Variants in ZHX2 observed in about 807,000 individuals in gnomAD.
The protein encoded by ZHX2 is zinc fingers and homeoboxes 2, also known as zinc fingers and homeoboxes protein 2.
In ZHX2, 6 loss-of-function variants were observed where a neutral mutation model predicts 21.9. That is an observed-to-expected ratio of 0.27 (90% CI 0.15 to 0.54). ZHX2 has a LOEUF of 0.54. Among genes scored for constraint, ZHX2 ranks in the 20% least tolerant of loss-of-function variants. The pLI, the probability that ZHX2 is intolerant of heterozygous loss-of-function variation, is 0.95. For missense variants in ZHX2, 908 were observed against 1,090.7 expected (o/e 0.83, Z 2.36); for synonymous variants, 434 against 437.1 (o/e 0.99, Z 0.09).
In ZHX2 at chr8:122,873,071, C is replaced by T. The variant is rs143839916; in HGVS notation, c.-220+9532C>T. Among the ~76,000 whole-genome samples the T allele has an allele frequency of 2.7e-3, 417 of 152,306 alleles. 9 individuals are homozygous for T. Among genetic ancestry groups the T allele is most frequent in the East Asian group, 4.2e-3 (22 of 5,182 alleles). The stretch of plus-strand genomic sequence containing the variant: ...CCAGGCCTGTGTCACGCACTCCCAC[C>T]GGGCATTGTGGGACCACATGGACCA... On this transcript the variant is annotated intron_variant, in intron 2 of 3. Transcript: ENST00000314393.
At chr8:122,892,344 G>A (rs886971204) in intron 2 of ZHX2, among the ~76,000 whole-genome samples, 1 of 152,102 alleles carries the variant, frequency 6.6e-6, no homozygotes, top group African/African-American at 2.4e-5. Flanking sequence ...CTTATAGGCA[G>A]CATATAGTTG....
chr8:122,934,392 G>T (rs1225804025), intron 2 of ZHX2, among the ~76,000 whole-genome samples: 1 of 152,174 alleles, frequency 6.6e-6, no homozygotes, highest in African/African-American at 2.4e-5. Flanking sequence ...TCACTCACCT[G>T]CCCAGGCAGG....
chr8:122,849,901 C>T (rs964994425), intron 1 of ZHX2, among the ~76,000 whole-genome samples: 9 of 152,098 alleles, frequency 5.9e-5, no homozygotes, highest in Admixed American at 5.9e-4. Flanking sequence ...ACAGAGCAAA[C>T]GTTTGTTCTT....
At chr8:122,884,170 A>G (rs1440158340) in intron 2 of ZHX2, among the ~76,000 whole-genome samples, 1 of 152,216 alleles carries the variant, frequency 6.6e-6, no homozygotes, top group African/African-American at 2.4e-5. Flanking sequence ...AAATATTTTA[A>G]AAGTACAGTC....
At chr8:122,870,339 G>A (rs955030053) in intron 2 of ZHX2, among the ~76,000 whole-genome samples, 1 of 152,010 alleles carries the variant, frequency 6.6e-6, no homozygotes, top group African/African-American at 2.4e-5. Context: ...GCTTAGAAAG[G>A]TGAGCTGGTG....
intron 3 of ZHX2, among the ~76,000 whole-genome samples, chr8:122,968,849 AAAAAAG>A (rs1814504691): frequency 6.6e-6 from 1 of 151,754 alleles, no homozygotes; most frequent in Non-Finnish European, 1.5e-5. Context: ...TGGAAAAAAA[AAAAAAG>A]AAAAAGAAAT....
intron 2 of ZHX2, among the ~76,000 whole-genome samples, chr8:122,912,974 T>C (rs1434293090): frequency 6.6e-6 from 1 of 152,220 alleles, no homozygotes. Context: ...ACCATAATTT[T>C]AGAACATTCT....
chr8:122,930,402 G>A (rs1288624384), intron 2 of ZHX2, among the ~76,000 whole-genome samples: 2 of 152,158 alleles, frequency 1.3e-5, no homozygotes, highest in Non-Finnish European at 2.9e-5. Flanking sequence ...AGCCCCCACA[G>A]GTTCTTTCTG....
At chr8:122,916,444 C>T (rs994407619) in intron 2 of ZHX2, among the ~76,000 whole-genome samples, 1 of 152,218 alleles carries the variant, frequency 6.6e-6, no homozygotes, top group Non-Finnish European at 1.5e-5. Flanking sequence ...TTGTGCCTTT[C>T]ACTTCAATCC....
At chr8:122,882,912 G>A (rs1819748816) in intron 2 of ZHX2, among the ~76,000 whole-genome samples, 1 of 152,114 alleles carries the variant, frequency 6.6e-6, no homozygotes, top group Non-Finnish European at 1.5e-5. Flanking sequence ...AACCTGACAG[G>A]TGGAGGTTGC....
At chr8:122,949,076 G>A (rs1194891926) in intron 2 of ZHX2, among the ~76,000 whole-genome samples, 1 of 152,226 alleles carries the variant, frequency 6.6e-6, no homozygotes, top group Admixed American at 6.5e-5. Context: ...TGTAATCCCA[G>A]CACTTTGGGA....
intron 2 of ZHX2, among the ~76,000 whole-genome samples, chr8:122,930,286 A>G (rs369447808): frequency 6.6e-6 from 1 of 152,222 alleles, no homozygotes; most frequent in Non-Finnish European, 1.5e-5. Flanking sequence ...GGTGATGGAA[A>G]GGACTATTGG....
intron 1 of ZHX2, among the ~76,000 whole-genome samples, chr8:122,801,843 G>A (rs1307154595): frequency 1.3e-5 from 2 of 152,078 alleles, no homozygotes; most frequent in Admixed American, 6.6e-5. Flanking sequence ...TGCCAGTTCC[G>A]GACACTCTGG....
intron 3 of ZHX2, among the ~76,000 whole-genome samples, chr8:122,972,565 T>C (rs184459501): frequency 6.6e-6 from 1 of 152,338 alleles, no homozygotes; most frequent in African/African-American, 2.4e-5. Context: ...TTAGAATTCA[T>C]ATAAACATTA....
At chr8:122,885,589 C>T (rs990712991) in intron 2 of ZHX2, among the ~76,000 whole-genome samples, 1 of 152,126 alleles carries the variant, frequency 6.6e-6, no homozygotes, top group Non-Finnish European at 1.5e-5. Context: ...AGTGAGGAAT[C>T]AATTTTACCT....
intron 1 of ZHX2, among the ~76,000 whole-genome samples, chr8:122,803,176 TCTCC>T (rs1817753909): frequency 6.6e-6 from 1 of 151,920 alleles, no homozygotes; most frequent in Admixed American, 6.6e-5. Flanking sequence ...CAGCCAGATT[TCTCC>T]CTCCCTCTCC....
chr8:122,856,572 T>C (rs910892149), intron 1 of ZHX2, among the ~76,000 whole-genome samples: 3 of 152,118 alleles, frequency 2.0e-5, no homozygotes, highest in Non-Finnish European at 4.4e-5. Flanking sequence ...GCTGTGTATT[T>C]CTCTCAGAAA....
chr8:122,862,231 T>C (rs1819185559), intron 1 of ZHX2, among the ~76,000 whole-genome samples: 1 of 152,210 alleles, frequency 6.6e-6, no homozygotes. Context: ...CAGGTCTGAC[T>C]GCACCTTCCC....
At chr8:122,937,245 C>A (rs1197243923) in intron 2 of ZHX2, among the ~76,000 whole-genome samples, 1 of 152,192 alleles carries the variant, frequency 6.6e-6, no homozygotes, top group African/African-American at 2.4e-5. Context: ...GTCAGGAAGG[C>A]CTGGGGCATA....
Sources: allele counts gnomAD v4.1 joint callset (sites outside exome capture counted in the v4.1 genomes callset), GRCh38; gene constraint gnomAD v4.1.1; transcripts MANE v1.5; gene names NCBI Gene and HGNC (gene_info 2026-07-23, HGNC 2026-07-21).